AGBL1: variants seen among roughly 807,000 people sequenced by gnomAD.
The protein encoded by AGBL1 is AGBL carboxypeptidase 1.
AGBL1 carries 130 observed loss-of-function variants against 118.9 expected under a neutral mutation model. The observed-to-expected ratio is 1.09, with a 90% CI of 0.95 to 1.26. AGBL1 has a LOEUF of 1.26. Ranked by LOEUF, AGBL1 falls within the 50% of genes most tolerant of loss-of-function variation. The probability of loss-of-function intolerance (pLI) is 0.00; values close to 1 mark genes in which losing one functional copy is unlikely to be tolerated. For synonymous variants in AGBL1, 555 were observed against 478.9 expected (o/e 1.16, Z -2.08); for missense variants, 1,584 against 1,298.1 (o/e 1.22, Z -3.38).
chr15:86,927,523 G>A (rs1322636154), intron 23 of AGBL1, among the ~76,000 whole-genome samples: 3 of 152,124 alleles, frequency 2.0e-5, no homozygotes, highest in African/African-American at 7.2e-5. Context: ...GGAGTTCCAG[G>A]CTGCAGTGAG....
rs2085066349 is a variant in AGBL1 at position 86,635,369 on chromosome 15, T to C, written c.2995-38904T>C. Among the ~76,000 whole-genome samples, 4 of 144,300 alleles carry C rather than the reference T, an allele frequency of 2.8e-5. No individual in the cohort carries two copies. The South Asian group carries it at 9.3e-4, about 34-fold the overall frequency. 94.7% of individuals were successfully genotyped at this position (144,300 alleles called of 152,430 possible). A position where few individuals can be genotyped will look rare whatever the true frequency, so the allele number is the denominator to read the frequency against. ...CTCTTACTCCTCCTCCTCCTTCTCTTGCCCCTCCTCTTATTCCTCTTCCTC... is the reference window on the plus strand; with the variant it reads ...CTCTTACTCCTCCTCCTCCTTCTCTCGCCCCTCCTCTTATTCCTCTTCCTC... On this transcript the variant is annotated intron_variant, in intron 21 of 22. Transcript: ENST00000614907.
chr15:86,881,894 G>A (rs572641960), intron 22 of AGBL1, among the ~76,000 whole-genome samples: 1 of 152,256 alleles, frequency 6.6e-6, no homozygotes, highest in Non-Finnish European at 1.5e-5. Context: ...TCACTCACTA[G>A]GTAGTACCAA....
Position 86,761,768 on chromosome 15 carries a change from C to T in AGBL1, c.3158+87332C>T, listed in dbSNP as rs141309133. Among the ~76,000 whole-genome samples, 7 of 152,058 alleles carry T rather than the reference C, an allele frequency of 4.6e-5. No individual in the cohort carries two copies. In the East Asian group the frequency reaches 1.4e-3, roughly 30 times the overall value. ...ATGGATAGATTGCAATATTTCTCTC[C>T]CATTCTCTGTAGGTTGTGTTTTTGC... On this transcript the variant is annotated intron_variant, in intron 22 of 22. Coordinates refer to ENST00000614907, the MANE Select transcript of AGBL1 (RefSeq NM_001386094.1).
At chr15:86,618,405 C>T (rs549541404) in intron 21 of AGBL1, among the ~76,000 whole-genome samples, 14 of 152,088 alleles carry the variant, frequency 9.2e-5, no homozygotes, top group South Asian at 2.1e-4. Flanking sequence ...ATAAAGCAAA[C>T]GGAGCTAAAA....
chr15:86,949,168 T>TA (rs571711474), intron 23 of AGBL1, among the ~76,000 whole-genome samples: 1 of 151,996 alleles, frequency 6.6e-6, no homozygotes, highest in Non-Finnish European at 1.5e-5. Context: ...ATGAAAAAAA[T>TA]AAAAAAATAA....
At chr15:86,162,783 G>A (rs990626815) in intron 5 of AGBL1, among the ~76,000 whole-genome samples, 6 of 152,096 alleles carry the variant, frequency 3.9e-5, no homozygotes, top group East Asian at 1.9e-4. Flanking sequence ...CTCTCATCTC[G>A]CTTTCCAGCC....
intron 7 of AGBL1, among the ~76,000 whole-genome samples, chr15:86,254,606 T>A (rs1358774624): frequency 2.6e-5 from 4 of 152,224 alleles, no homozygotes; most frequent in African/African-American, 7.2e-5. Context: ...TTGAGAGTGA[T>A]GGGAAAAGGG....
chr15:86,526,536 G>T (rs1459851016), intron 19 of AGBL1, among the ~76,000 whole-genome samples: 1 of 59,114 alleles, frequency 1.7e-5, no homozygotes, highest in Non-Finnish European at 3.4e-5. Context: ...AGATATGTTT[G>T]TGTCTGTGTA....
chr15:87,007,495 A>G (rs2081516956), intron 24 of AGBL1, among the ~76,000 whole-genome samples: 1 of 152,228 alleles, frequency 6.6e-6, no homozygotes, highest in Admixed American at 6.5e-5. Context: ...TGATTTCTTT[A>G]CAAAACAACA....
intron 5 of AGBL1, among the ~76,000 whole-genome samples, chr15:86,214,461 T>C (rs892981246): frequency 6.6e-6 from 1 of 152,244 alleles, no homozygotes; most frequent in Non-Finnish European, 1.5e-5. Context: ...CATATTGCAG[T>C]ATAGGATTAT....
intron 21 of AGBL1, 110 bp downstream of exon 21, chr15:86,554,647 G>A (rs528509846): frequency 2.5e-5 from 29 of 1,183,288 alleles, no homozygotes; most frequent in Non-Finnish European, 3.1e-5. Context: ...GCTCCAAGTA[G>A]AGTTTGGTCC....
rs539689805 is a variant in AGBL1 at position 86,857,538 on chromosome 15, C to T, written c.3159-49549C>T. Among the ~76,000 whole-genome samples the T allele has an allele frequency of 4.3e-4, 65 of 152,348 alleles. 1 individual carries two copies. The East Asian group carries it at 0.013, about 29-fold the overall frequency. On this transcript the variant is annotated intron_variant, in intron 22 of 22. Transcript: ENST00000614907. ...TTCACTTCGCCCCACCTGCCTCTAC[C>T]TGGCTAACTATTCCTTACTTTGAAT...
At chr15:86,283,884 G>A (rs1169524153) in intron 16 of AGBL1, among the ~76,000 whole-genome samples, 2 of 152,144 alleles carry the variant, frequency 1.3e-5, no homozygotes, top group Non-Finnish European at 1.5e-5. Context: ...TTTGAGGTCA[G>A]ACAGGCCTAG....
chr15:86,877,703 T>G (rs1261704130), intron 22 of AGBL1, among the ~76,000 whole-genome samples: 2 of 152,186 alleles, frequency 1.3e-5, no homozygotes, highest in African/African-American at 4.8e-5. Flanking sequence ...CATCAGTGAT[T>G]AGAAACACAT....
intron 5 of AGBL1, among the ~76,000 whole-genome samples, chr15:86,179,205 G>A (rs979017939): frequency 6.6e-6 from 1 of 152,224 alleles, no homozygotes; most frequent in Non-Finnish European, 1.5e-5. Context: ...AGCATTATGA[G>A]AGCACAGAAG....
intron 7 of AGBL1, 78 bp downstream of exon 7, chr15:86,247,957 C>T: frequency 1.3e-6 from 2 of 1,526,566 alleles, no homozygotes; most frequent in Non-Finnish European, 1.8e-6. Context: ...GGAATCATCC[C>T]AGATAGAGCT....
At chr15:86,812,549 T>C (rs929141947) in intron 22 of AGBL1, among the ~76,000 whole-genome samples, 2 of 152,186 alleles carry the variant, frequency 1.3e-5, no homozygotes, top group Admixed American at 6.5e-5. Context: ...CCCTTAATGA[T>C]TGAACCCCAA....
At chr15:86,728,802 T>A (rs1388269584) in intron 22 of AGBL1, among the ~76,000 whole-genome samples, 2 of 152,294 alleles carry the variant, frequency 1.3e-5, no homozygotes, top group East Asian at 3.9e-4. Context: ...AGCCTCTGGT[T>A]TCACTGTGTT....
chr15:86,724,612 G>A (rs193255682), intron 22 of AGBL1, among the ~76,000 whole-genome samples: 2 of 152,256 alleles, frequency 1.3e-5, no homozygotes, highest in African/African-American at 4.8e-5. Flanking sequence ...TCCATTTTTA[G>A]CATAAAATGT....
Sources: gnomAD v4.1 joint callset for allele counts (sites outside exome capture counted in the v4.1 genomes callset) on GRCh38, gnomAD v4.1.1 for gene constraint, MANE v1.5 for transcripts, NCBI Gene and HGNC (gene_info 2026-07-23, HGNC 2026-07-21) for gene names.